The following ANKFY1 variants were observed in gnomAD, a reference collection of about 807,000 sequenced individuals.
ANKFY1 encodes the protein ankyrin repeat and FYVE domain-containing protein 1.
In ANKFY1, 47 loss-of-function variants were observed where a neutral mutation model predicts 128.3. The ratio of observed to expected loss-of-function variants is 0.37; its 90% CI spans 0.29 to 0.47. The LOEUF (loss-of-function observed/expected upper bound fraction) is 0.47, where lower values mean the gene tolerates loss of function less well. Among genes scored for constraint, ANKFY1 ranks in the 20% least tolerant of loss-of-function variants. The pLI, the probability that ANKFY1 is intolerant of heterozygous loss-of-function variation, is 1.00. For missense variants in ANKFY1, 1,222 were observed against 1,510.6 expected, an observed-to-expected ratio of 0.81 and a Z score of 3.17; for synonymous variants, 553 against 601.6, an observed-to-expected ratio of 0.92 and a Z score of 1.18.
intron 7 of ANKFY1, among the ~76,000 whole-genome samples, chr17:4,201,764 A>G (rs12451492): frequency 0.038 from 5,712 of 152,256 alleles, 149 homozygotes; most frequent in East Asian, 0.074. Context: ...TTCACAGTAC[A>G]GAGGCAGTAA....
chr17:4,252,512 T>C (rs1446975982), intron 1 of ANKFY1, among the ~76,000 whole-genome samples: 6 of 151,920 alleles, frequency 3.9e-5, no homozygotes, highest in Non-Finnish European at 8.8e-5. Context: ...GAGGCTGCAG[T>C]GAGCTATGAT....
intron 3 of ANKFY1, among the ~76,000 whole-genome samples, chr17:4,234,101 C>A (rs2060561960): frequency 6.6e-6 from 1 of 152,116 alleles, no homozygotes; most frequent in African/African-American, 2.4e-5. Context: ...ACATGCTGTA[C>A]AGTTACACAG....
chr17:4,173,593 G>C (rs576491993), intron 20 of ANKFY1, 149 bp from the exon 21 acceptor site: 2 of 765,848 alleles, frequency 2.6e-6, no homozygotes, highest in East Asian at 5.4e-5. Flanking sequence ...GGTCTTCACC[G>C]CCCTCAAGGA....
intron 18 of ANKFY1, chr17:4,177,772 G>A (rs2059434348): frequency 6.5e-6 from 1 of 154,076 alleles, no homozygotes; most frequent in Non-Finnish European, 1.4e-5. Context: ...GTTGAGAAAC[G>A]TGGAGAAAGT....
intron 15 of ANKFY1, 69 bp downstream of exon 15, chr17:4,182,112 G>T: frequency 7.5e-7 from 1 of 1,334,216 alleles, no homozygotes; most frequent in Non-Finnish European, 9.8e-7. Context: ...AGCTACGCAG[G>T]CAGCAGATCC....
Position 4,183,418 on chromosome 17 carries a change from G to C in ANKFY1, c.1932C>G (p.His644Gln). 6.2e-7 allele frequency: 1 copy of C among 1,613,878 alleles called. No individual in the cohort carries two copies. The highest frequency in any genetic ancestry group is 8.5e-7 in the Non-Finnish European group (1 of 1,180,004). Residue 644 changes from histidine (H) to glutamine (Q), a missense_variant, in exon 14 of 25, where the codon CAC becomes CAG. Transcript: ENST00000341657. ...DSKSALFLLE[H>Q]QADINVRTQD... Reference sequence around the variant, plus strand: ...CCTACCTGACATTTATATCTGCCTGGTGCTCCAGCAGGAAGAGTGCGCTCT... The same window carrying C: ...CCTACCTGACATTTATATCTGCCTGCTGCTCCAGCAGGAAGAGTGCGCTCT...
intron 1 of ANKFY1, chr17:4,249,177 T>C (rs1303777187): frequency 2.1e-6 from 2 of 961,028 alleles, no homozygotes; most frequent in Admixed American, 6.2e-5. Context: ...GTTGGCATAC[T>C]TTCCGTACAG....
intron 24 of ANKFY1, 189 bp from the exon 25 acceptor site, chr17:4,168,100 G>T: frequency 4.1e-6 from 2 of 488,668 alleles, no homozygotes; most frequent in South Asian, 3.1e-5. Flanking sequence ...CAAAACTCTA[G>T]TCAATCATCA....
rs2059196553 is a variant in ANKFY1 at position 4,165,537 on chromosome 17, G to C, written c.*2242C>G. ...CAGCCTGCTGAGTGCAGCCCAGCGA[G>C]CGTCCGCGTGGTCGGGGGGCTTCCT... On this transcript the variant is annotated 3_prime_UTR_variant, in exon 25 of 25. Coordinates refer to ENST00000341657, the MANE Select transcript of ANKFY1 (RefSeq NM_001330063.2). The C allele has an allele frequency of 6.6e-6, 1 of 152,224 alleles. No individual in the cohort carries two copies. The highest frequency in any genetic ancestry group is 2.4e-5 in the African/African-American group (1 of 41,438). 9.4% of individuals were successfully genotyped at this position (152,224 alleles called of 1,614,324 possible).
chr17:4,201,678 T>G (rs995292856), intron 7 of ANKFY1, among the ~76,000 whole-genome samples: 3 of 152,204 alleles, frequency 2.0e-5, no homozygotes, highest in Admixed American at 1.3e-4. Context: ...AATATTTTCA[T>G]TCTTCTGCTC....
chr17:4,170,899 C>G, intron 22 of ANKFY1, 38 bp from the exon 23 acceptor site: 3 of 1,612,334 alleles, frequency 1.9e-6, no homozygotes, highest in Non-Finnish European at 2.5e-6. Flanking sequence ...ACTTCCCACC[C>G]GGCCCAGCCC....
chr17:4,199,957 T>C (rs1393308162), intron 7 of ANKFY1, among the ~76,000 whole-genome samples: 3 of 152,096 alleles, frequency 2.0e-5, no homozygotes, highest in Admixed American at 2.0e-4. Context: ...AACAGAAACC[T>C]GTTACAAAGG....
chr17:4,184,915 C>G lies in ANKFY1; in HGVS notation c.1602G>C (p.Leu534=). 9 of 1,614,112 alleles carry G rather than the reference C, an allele frequency of 5.6e-6. No individual in the cohort carries two copies. The highest frequency in any genetic ancestry group is 6.8e-6 in the Non-Finnish European group (8 of 1,180,050). The change falls in exon 12 of 25, where the codon CTG becomes CTC. Residue 534 remains leucine, a synonymous_variant. Transcript: ENST00000341657. ...GATGGACGCTGTCCGCCAAGCTGGTCAGGGATGCGGCCTCCTTTGGCAGAG... is the reference window on the plus strand; with the variant it reads ...GATGGACGCTGTCCGCCAAGCTGGTGAGGGATGCGGCCTCCTTTGGCAGAG... ...ALPLPKEAAS[L]TSLADSVHLQ... is the part of the protein sequence containing the mutation.
intron 4 of ANKFY1, among the ~76,000 whole-genome samples, chr17:4,213,622 A>C (rs2060173274): frequency 6.8e-6 from 1 of 146,022 alleles, no homozygotes. Flanking sequence ...GCTGGAGTGC[A>C]GTGGTACGAT....
intron 17 of ANKFY1, chr17:4,179,410 CAAG>C: frequency 3.9e-6 from 2 of 516,558 alleles, no homozygotes; most frequent in Non-Finnish European, 6.9e-6. Context: ...CAGGGGTGCT[CAAG>C]TGAGCTACTG....
intron 1 of ANKFY1, among the ~76,000 whole-genome samples, chr17:4,256,189 G>A (rs1046879613): frequency 6.6e-6 from 1 of 152,036 alleles, no homozygotes; most frequent in Non-Finnish European, 1.5e-5. Flanking sequence ...AGCACTTTGG[G>A]AGGCCAAGGC....
intron 3 of ANKFY1, among the ~76,000 whole-genome samples, chr17:4,228,181 A>C (rs2060456508): frequency 6.6e-6 from 1 of 152,232 alleles, no homozygotes; most frequent in African/African-American, 2.4e-5. Context: ...TAAAACACAA[A>C]GCAACATACT....
chr17:4,203,280 T>C (rs370457535), intron 7 of ANKFY1, among the ~76,000 whole-genome samples: 26 of 152,302 alleles, frequency 1.7e-4, no homozygotes, highest in African/African-American at 6.3e-4. Context: ...CCTCATTCAC[T>C]GACACTGCCA....
chr17:4,178,989 C>G lies in ANKFY1; in HGVS notation c.2466G>C (p.Leu822Phe), dbSNP rs755335710. The G allele has an allele frequency of 1.2e-6, 2 of 1,614,168 alleles. No homozygotes were observed. Among genetic ancestry groups the G allele is most frequent in the Non-Finnish European group, 1.7e-6 (2 of 1,180,036 alleles). The part of the protein sequence containing the change: ...SSQHGVIIQL[L>F]VSHPDIHLNV... ...TCAAATGGATATCGGGGTGAGAAAC[C>G]AACAGCTGAATGATGACACCGTGTT... is the stretch of plus-strand genomic sequence containing the variant. Residue 822 changes from leucine (L) to phenylalanine (F), a missense_variant, in exon 18 of 25, where the codon TTG (leucine) becomes TTC (phenylalanine). Physicochemically the swap from Leu to Phe is conservative, Grantham distance 22. Coordinates refer to ENST00000341657, the MANE Select transcript of ANKFY1 (RefSeq NM_001330063.2). The surrounding 1 kb of genome is among the most constrained non-coding windows in gnomAD (Gnocchi z 4.1).
Sources: allele counts gnomAD v4.1 joint callset (sites outside exome capture counted in the v4.1 genomes callset), GRCh38; gene constraint gnomAD v4.1.1; non-coding constraint Gnocchi (gnomAD v3.1); transcripts MANE v1.5; gene names NCBI Gene and HGNC (gene_info 2026-07-23, HGNC 2026-07-21).